ZYG11A: variants seen among roughly 807,000 people sequenced by gnomAD.
ZYG11A encodes protein zyg-11 homolog A.
In ZYG11A, 62 loss-of-function variants were observed where a neutral mutation model predicts 77.2. The ratio of observed to expected loss-of-function variants is 0.80; its 90% confidence interval spans 0.65 to 0.99. ZYG11A has a LOEUF of 0.99. Among genes scored for constraint, ZYG11A ranks in the 50% least tolerant of loss-of-function variants. The pLI is 0.00. For missense variants in ZYG11A, 828 were observed against 896.8 expected (o/e 0.92, Z 0.98); for synonymous variants, 315 against 324.6 (o/e 0.97, Z 0.32).
intron 11 of ZYG11A, among the ~76,000 whole-genome samples, chr1:52,883,743 C>T (rs1646400092): frequency 6.6e-6 from 1 of 151,744 alleles, no homozygotes; most frequent in Non-Finnish European, 1.5e-5. Flanking sequence ...TTAAGTTTTC[C>T]TGTTCGTCCA....
At chr1:52,866,689 A>G (rs1270813023) in intron 6 of ZYG11A, 122 bp downstream of exon 6, 3 of 569,064 alleles carry the variant, frequency 5.3e-6, no homozygotes. Flanking sequence ...TTCCACAGAG[A>G]AGTGATTAGA....
intron 8 of ZYG11A, among the ~76,000 whole-genome samples, chr1:52,872,949 G>C (rs1646196936): frequency 6.6e-6 from 1 of 151,764 alleles, no homozygotes; most frequent in Non-Finnish European, 1.5e-5. Flanking sequence ...GGCTAGAGCT[G>C]CCATAGGTAG....
chr1:52,845,426 C>T (rs1409258824), intron 1 of ZYG11A, among the ~76,000 whole-genome samples: 1 of 151,794 alleles, frequency 6.6e-6, no homozygotes, highest in Non-Finnish European at 1.5e-5. Flanking sequence ...TCGCCTCAGC[C>T]TCCTGAGTAG....
At chr1:52,870,105 C>T (rs373377648) in intron 8 of ZYG11A, among the ~76,000 whole-genome samples, 6 of 146,916 alleles carry the variant, frequency 4.1e-5, no homozygotes, top group Admixed American at 2.0e-4. Flanking sequence ...ACATCCCAGA[C>T]GGGGCGGCGG....
In ZYG11A at chr1:52,854,469, A is replaced by T; in HGVS notation, c.95A>T (p.Glu32Val). ...DALGCCVVQE[E>V]ASPYTLVNIC... ...GTTTGGGGTTTTGTTTGCTAGGAAG[A>T]GGCATCTCCCTACACTTTGGTCAAC... The change falls in exon 2 of 14, where the codon GAG (glutamate) becomes GTG (valine). Residue 32 changes from glutamate (E) to valine (V), a missense_variant. Physicochemically the swap from Glu to Val is moderately radical, Grantham distance 121. Transcript: ENST00000371528. 6.5e-7 allele frequency: 1 copy of T among 1,531,182 alleles called. No individual in the cohort carries two copies. Among genetic ancestry groups the T allele is most frequent in the Non-Finnish European group, 8.8e-7 (1 of 1,134,300 alleles). The allele number at this position is 1,531,182 out of a possible 1,614,324, so 94.8% of individuals were successfully genotyped here.
In ZYG11A at chr1:52,866,558, C is replaced by T; in HGVS notation, c.1382C>T (p.Pro461Leu). ...LTNSRILVDVPFDRFDAAKFV... is the reference protein window; with the variant it reads ...LTNSRILVDVLFDRFDAAKFV... The stretch of plus-strand genomic sequence containing the variant: ...AATTCCAGGATTCTTGTGGATGTTC[C>T]ATTTGACAGGCAAGTATAAGACTTG... The change falls in exon 6 of 14, where the codon CCA (proline) becomes CTA (leucine). Residue 461 changes from proline to leucine, a missense_variant. Physicochemically the swap from Pro to Leu is moderately conservative, Grantham distance 98 (BLOSUM62 -3). Transcript: ENST00000371528. 2 of 1,540,276 alleles carry T rather than the reference C, an allele frequency of 1.3e-6. No homozygotes were observed.
chr1:52,857,468 A>G lies in ZYG11A; in HGVS notation c.727A>G (p.Met243Val), dbSNP rs145447687. The G allele has an allele frequency of 6.4e-7, 1 of 1,552,286 alleles. No individual in the cohort carries two copies. Among genetic ancestry groups the G allele is most frequent in the African/African-American group, 1.4e-5 (1 of 73,184 alleles). ...LTMHYLKCLA[M>V]TKSQILAVIR... ...AATGCACTATCTGAAATGCCTGGCC[A>G]TGACCAAATCACAAATTCTTGCAGT... Residue 243 changes from methionine to valine, a missense_variant, in exon 3 of 14, where the codon ATG (methionine) becomes GTG (valine). Transcript: ENST00000371528.
At chr1:52,856,446 A>G (rs1645812128) in intron 2 of ZYG11A, among the ~76,000 whole-genome samples, 2 of 92,634 alleles carry the variant, frequency 2.2e-5, no homozygotes, top group South Asian at 8.7e-4. Context: ...ACAGAGCAAG[A>G]CTCCATCTCA....
chr1:52,843,072 G>A, intron 1 of ZYG11A, 99 bp downstream of exon 1: 2 of 1,079,690 alleles, frequency 1.9e-6, no homozygotes, highest in Non-Finnish European at 2.5e-6. Flanking sequence ...GCACTTGCTG[G>A]GGAGTGTGGC....
intron 3 of ZYG11A, among the ~76,000 whole-genome samples, chr1:52,859,299 G>A (rs958959736): frequency 3.3e-5 from 5 of 151,346 alleles, no homozygotes; most frequent in Non-Finnish European, 5.9e-5. Flanking sequence ...GTTGAAAATC[G>A]GGTGTCCGTA....
intron 1 of ZYG11A, among the ~76,000 whole-genome samples, chr1:52,847,293 C>G (rs1645608017): frequency 6.6e-6 from 1 of 152,154 alleles, no homozygotes; most frequent in South Asian, 2.1e-4. Flanking sequence ...TTTTGAATTC[C>G]TGACCTTGTG....
intron 1 of ZYG11A, among the ~76,000 whole-genome samples, chr1:52,853,782 C>T (rs1160190896): frequency 6.6e-6 from 1 of 152,020 alleles, no homozygotes; most frequent in Non-Finnish European, 1.5e-5. Context: ...GTGGCATGGG[C>T]TTGTAGTCCC....
At chr1:52,860,534 T>A (rs899274606) in intron 3 of ZYG11A, among the ~76,000 whole-genome samples, 197 bp from the exon 4 acceptor site, 1 of 152,246 alleles carries the variant, frequency 6.6e-6, no homozygotes, top group Admixed American at 6.5e-5. Context: ...TGACCTCGGG[T>A]GATTCACCTG....
chr1:52,859,018 C>T (rs553244954), intron 3 of ZYG11A, among the ~76,000 whole-genome samples: 1 of 152,212 alleles, frequency 6.6e-6, no homozygotes, highest in East Asian at 1.9e-4. Context: ...GTTGTGTTAA[C>T]ATTTTATTCT....
chr1:52,892,831 G>C lies in ZYG11A; in HGVS notation c.2154G>C (p.Leu718Phe). 6.4e-7 allele frequency: 1 copy of C among 1,551,662 alleles called. No individual in the cohort carries two copies. The highest frequency in any genetic ancestry group is 8.7e-7 in the Non-Finnish European group (1 of 1,146,982). The change falls in exon 14 of 14, where the codon TTG (leucine) becomes TTC (phenylalanine). Residue 718 changes from leucine (L) to phenylalanine (F), a missense_variant. Coordinates refer to ENST00000371528, the MANE Select transcript of ZYG11A (RefSeq NM_001004339.3). ...MLVEEEGLQL[L>F]CDIQEHSEAT... ...TTGAAGAAGAAGGATTGCAGCTTTTGTGTGATATCCAGGAGCACAGTGAGG... is the reference window on the plus strand; with the variant it reads ...TTGAAGAAGAAGGATTGCAGCTTTTCTGTGATATCCAGGAGCACAGTGAGG...
At chr1:52,867,513 T>G in intron 6 of ZYG11A, 26 bp from the exon 7 acceptor site, 1 of 1,458,426 alleles carries the variant, frequency 6.9e-7, no homozygotes, top group South Asian at 1.2e-5. Context: ...TATATAATTG[T>G]GAGAAAAATA....
rs765614717 is a variant in ZYG11A, at chr1:52,867,686, C to G, written c.1492-41C>G. The G allele has an allele frequency of 7.1e-6, 11 of 1,550,314 alleles. No individual in the cohort carries two copies. The South Asian group carries it at 7.1e-5, about 10-fold the overall frequency. ...GATGTCTATCTCTCTAGTTTTTATA[C>G]AGGTTCCATAGTTCACTTGAGCCTT... On this transcript the variant is annotated intron_variant, in intron 7 of 13. Coordinates refer to ENST00000371528, the MANE Select transcript of ZYG11A (RefSeq NM_001004339.3).
intron 8 of ZYG11A, among the ~76,000 whole-genome samples, chr1:52,870,836 CAG>C (rs1314857179): frequency 6.8e-6 from 1 of 147,910 alleles, no homozygotes; most frequent in Non-Finnish European, 1.5e-5. Context: ...GGCTCGGCAT[CAG>C]AGGGAGACAG....
chr1:52,881,482 A>G lies in ZYG11A; in HGVS notation c.1761A>G (p.Ala587=). 1 of 1,550,146 alleles carries G rather than the reference A, an allele frequency of 6.5e-7. No individual in the cohort carries two copies. The highest frequency in any genetic ancestry group is 8.7e-7 in the Non-Finnish European group (1 of 1,146,190). The change falls in exon 11 of 14, where the codon GCA becomes GCG. Residue 587 remains alanine (A), a synonymous_variant. Coordinates refer to ENST00000371528, the MANE Select transcript of ZYG11A (RefSeq NM_001004339.3). ...CATCTGACCTGTAGAACAACATAGC[A>G]GAAGTCAGAGAGCTCTCTTCCAAGC... ...SKVLGLLNNI[A]EVRELSSKLV...
Sources: allele counts gnomAD v4.1 joint callset (sites outside exome capture counted in the v4.1 genomes callset), GRCh38; gene constraint gnomAD v4.1.1; transcripts MANE v1.5; gene names NCBI Gene and HGNC (gene_info 2026-07-23, HGNC 2026-07-21).